The following CTNNA3 variants were observed in gnomAD, a reference collection of about 807,000 sequenced individuals.
CTNNA3 encodes catenin alpha-3.
A neutral mutation model predicts 95.7 loss-of-function variants in CTNNA3; 76 were observed. The observed-to-expected ratio is 0.79, with a 90% confidence interval of 0.66 to 0.96. The LOEUF (loss-of-function observed/expected upper bound fraction) is 0.96, where lower values mean the gene tolerates loss of function less well. CTNNA3 is among the 40% of genes least tolerant of loss of function. The pLI is 0.00. For synonymous variants in CTNNA3, 431 were observed against 374.4 expected (o/e 1.15, Z -1.74); for missense variants, 1,191 against 1,089.8 (o/e 1.09, Z -1.31).
At position 65,915,539 on chromosome 10, in the gene CTNNA3, C is replaced by A. The variant is rs2076996458; in HGVS notation, c.*4791G>T. ...AACTTACCAAACTCATATTGAATAT[C>A]AATCCATGTGTTTTGTTCCCACAAA... On this transcript the variant is annotated 3_prime_UTR_variant, in exon 18 of 18. Transcript: ENST00000433211. The A allele has an allele frequency of 6.6e-6, 1 of 152,134 alleles. No homozygotes were observed. Among genetic ancestry groups the A allele is most frequent in the Non-Finnish European group, 1.5e-5 (1 of 68,028 alleles). The allele number at this position is 152,134 out of a possible 1,614,324, so 9.4% of individuals were successfully genotyped here.
intron 13 of CTNNA3, among the ~76,000 whole-genome samples, chr10:66,229,395 C>G (rs1396226105): frequency 1.3e-5 from 2 of 152,072 alleles, no homozygotes; most frequent in Non-Finnish European, 2.9e-5. Flanking sequence ...ATGCAATTCA[C>G]GTGGGGCTGG....
intron 11 of CTNNA3, among the ~76,000 whole-genome samples, chr10:66,437,091 C>T (rs2093343190): frequency 6.6e-6 from 1 of 152,082 alleles, no homozygotes; most frequent in South Asian, 2.1e-4. Flanking sequence ...TTATGGGTAA[C>T]CCCACGTTTC....
chr10:67,133,444 G>C (rs1459870432), intron 7 of CTNNA3, among the ~76,000 whole-genome samples: 15 of 150,140 alleles, frequency 1.0e-4, no homozygotes, highest in African/African-American at 3.7e-4. Flanking sequence ...GAGAAACACA[G>C]AAGGTAAATG....
intron 1 of CTNNA3, among the ~76,000 whole-genome samples, chr10:67,735,151 A>G (rs1392510074): frequency 6.6e-6 from 1 of 150,504 alleles, no homozygotes; most frequent in Non-Finnish European, 1.5e-5. Context: ...ACACAAACAC[A>G]CACACACACA....
At chr10:66,471,886 ATATTGG>A (rs1261736710) in intron 11 of CTNNA3, among the ~76,000 whole-genome samples, 1 of 152,002 alleles carries the variant, frequency 6.6e-6, no homozygotes, top group Non-Finnish European at 1.5e-5. Context: ...TTACAAATAT[ATATTGG>A]TTGCTGAAAA....
At chr10:67,522,972 T>C (rs559421365) in intron 4 of CTNNA3, among the ~76,000 whole-genome samples, 1 of 152,292 alleles carries the variant, frequency 6.6e-6, no homozygotes, top group South Asian at 2.1e-4. Flanking sequence ...CCACTGTGAC[T>C]ATGATGCCAT....
intron 13 of CTNNA3, among the ~76,000 whole-genome samples, chr10:66,143,770 C>G (rs1285430766): frequency 2.0e-5 from 3 of 152,184 alleles, no homozygotes; most frequent in Non-Finnish European, 4.4e-5. Context: ...CCAGTTATTT[C>G]CACTTATTCC....
intron 10 of CTNNA3, among the ~76,000 whole-genome samples, chr10:66,524,884 C>T (rs2939915): frequency 0.86 from 130,393 of 151,994 alleles, 56,137 homozygotes; most frequent in East Asian, 0.99. Context: ...ACCTCCTCTC[C>T]ACTGAAAATA....
intron 3 of CTNNA3, among the ~76,000 whole-genome samples, chr10:67,552,201 T>G (rs895694626): frequency 6.6e-6 from 1 of 152,234 alleles, no homozygotes; most frequent in Non-Finnish European, 1.5e-5. Flanking sequence ...AATTCAAGGA[T>G]GCATTTGATA....
chr10:66,840,301 G>A (rs1843005249), intron 7 of CTNNA3, among the ~76,000 whole-genome samples: 1 of 144,448 alleles, frequency 6.9e-6, no homozygotes, highest in South Asian at 2.3e-4. Flanking sequence ...CTTAGATCCT[G>A]CATTTCTTCT....
chr10:67,457,370 A>C (rs1455006494), intron 5 of CTNNA3, among the ~76,000 whole-genome samples: 1 of 152,186 alleles, frequency 6.6e-6, no homozygotes, highest in African/African-American at 2.4e-5. Context: ...TCCAAGTAAC[A>C]GTGGAAGGCC....
chr10:66,436,570 T>C (rs2093339962), intron 11 of CTNNA3, among the ~76,000 whole-genome samples: 1 of 150,184 alleles, frequency 6.7e-6, no homozygotes, highest in South Asian at 2.1e-4. Flanking sequence ...CCACTATTTT[T>C]AGCCTTTGTT....
intron 2 of CTNNA3, among the ~76,000 whole-genome samples, chr10:67,616,482 T>A (rs528252380): frequency 5.4e-4 from 82 of 152,276 alleles, no homozygotes; most frequent in African/African-American, 1.9e-3. Flanking sequence ...CTGGCTTCTT[T>A]GAGGAAGCAG....
chr10:67,398,697 C>T (rs1844806312), intron 5 of CTNNA3, among the ~76,000 whole-genome samples: 1 of 152,064 alleles, frequency 6.6e-6, no homozygotes, highest in Middle Eastern at 3.2e-3. Context: ...TTCCCATAAT[C>T]CCCACGTGTC....
intron 7 of CTNNA3, among the ~76,000 whole-genome samples, chr10:66,900,189 T>C (rs1845677766): frequency 6.6e-6 from 1 of 152,122 alleles, no homozygotes; most frequent in Admixed American, 6.5e-5. Context: ...TCTGCAATAC[T>C]TGCTGTTCTG....
intron 8 of CTNNA3, among the ~76,000 whole-genome samples, chr10:66,769,800 A>T (rs960902464): frequency 1.3e-5 from 2 of 152,176 alleles, no homozygotes; most frequent in Admixed American, 6.6e-5. Flanking sequence ...ATTCTCAGAG[A>T]TCCTCAAGCT....
intron 2 of CTNNA3, among the ~76,000 whole-genome samples, chr10:67,616,648 T>C (rs566307937): frequency 6.6e-6 from 1 of 152,150 alleles, no homozygotes; most frequent in African/African-American, 2.4e-5. Context: ...TATTTACTAG[T>C]TGAGGAAAGT....
chr10:65,947,517 C>T (rs373604915), intron 17 of CTNNA3, among the ~76,000 whole-genome samples: 5 of 152,262 alleles, frequency 3.3e-5, no homozygotes, highest in African/African-American at 1.2e-4. Flanking sequence ...TAGAATTTCC[C>T]TCCTGGAAGG....
chr10:66,622,711 ACTTT>A (rs1844792731), intron 9 of CTNNA3, among the ~76,000 whole-genome samples: 2 of 152,160 alleles, frequency 1.3e-5, no homozygotes. Context: ...GTTGTTTTAT[ACTTT>A]AACGCATTGC....
Sources: gnomAD v4.1 joint callset for allele counts (sites outside exome capture counted in the v4.1 genomes callset) on GRCh38, gnomAD v4.1.1 for gene constraint, MANE v1.5 for transcripts, NCBI Gene and HGNC (gene_info 2026-07-23, HGNC 2026-07-21) for gene names.